FTO: variants seen among roughly 807,000 people sequenced by gnomAD.
FTO encodes the protein alpha-ketoglutarate-dependent dioxygenase FTO.
Under a neutral mutation model 63.9 loss-of-function variants are expected in FTO, and 47 were observed. That is an observed-to-expected ratio of 0.74 (90% CI 0.58 to 0.94). The LOEUF (loss-of-function observed/expected upper bound fraction) is 0.94. Among genes scored for constraint, FTO ranks in the 40% least tolerant of loss-of-function variants. FTO has a pLI of 0.00. For missense variants in FTO, 562 were observed against 618.1 expected, an observed-to-expected ratio of 0.91 and a Z score of 0.96; for synonymous variants, 207 against 224.4, an observed-to-expected ratio of 0.92 and a Z score of 0.69.
intron 7 of FTO, among the ~76,000 whole-genome samples, chr16:53,901,837 T>C (rs556571299): frequency 6.6e-6 from 1 of 152,310 alleles, no homozygotes; most frequent in East Asian, 1.9e-4. Context: ...GAGTGAGTAA[T>C]AACTCTCAGT....
At chr16:54,110,168 A>C (rs1406424513) in intron 8 of FTO, among the ~76,000 whole-genome samples, 1 of 152,206 alleles carries the variant, frequency 6.6e-6, no homozygotes, top group Non-Finnish European at 1.5e-5. Context: ...GGTCTCAAAC[A>C]CCTATGATTA....
chr16:53,881,665 GT>G (rs1240191034), intron 6 of FTO, among the ~76,000 whole-genome samples: 1 of 152,170 alleles, frequency 6.6e-6, no homozygotes, highest in African/African-American at 2.4e-5. Flanking sequence ...ATGGGTCAAA[GT>G]TTCGCAAACT....
intron 8 of FTO, among the ~76,000 whole-genome samples, chr16:54,081,865 A>G (rs1373240609): frequency 1.3e-5 from 2 of 152,184 alleles, no homozygotes; most frequent in African/African-American, 4.8e-5. Flanking sequence ...TTAAACAATG[A>G]CCTTCTCAAA....
intron 1 of FTO, among the ~76,000 whole-genome samples, chr16:53,808,534 A>G: frequency 6.6e-6 from 1 of 152,102 alleles, no homozygotes; most frequent in East Asian, 1.9e-4. Flanking sequence ...CTTTTAGGTA[A>G]TGATACAAAA....
At chr16:53,947,846 T>G (rs2082685952) in intron 8 of FTO, among the ~76,000 whole-genome samples, 1 of 152,242 alleles carries the variant, frequency 6.6e-6, no homozygotes, top group Non-Finnish European at 1.5e-5. Context: ...TTTGAAATTC[T>G]GCATGTTATG....
At chr16:53,749,682 G>A (rs1029359680) in intron 1 of FTO, among the ~76,000 whole-genome samples, 1 of 151,690 alleles carries the variant, frequency 6.6e-6, no homozygotes, top group Non-Finnish European at 1.5e-5. Context: ...CTCGTGATCC[G>A]CCCGCCTCGG....
At chr16:53,992,774 A>G (rs1441596006) in intron 8 of FTO, 1 of 152,200 alleles carries the variant, frequency 6.6e-6, no homozygotes. Context: ...TCCCACTTGT[A>G]AAATGAGGCG....
At chr16:53,902,009 A>G (rs1474982799) in intron 7 of FTO, among the ~76,000 whole-genome samples, 1 of 152,180 alleles carries the variant, frequency 6.6e-6, no homozygotes, top group Non-Finnish European at 1.5e-5. Flanking sequence ...AAAGAAACTG[A>G]AGAAAGTCAC....
chr16:53,913,840 G>A (rs1343129812), intron 7 of FTO, among the ~76,000 whole-genome samples: 1 of 152,082 alleles, frequency 6.6e-6, no homozygotes, highest in Admixed American at 6.6e-5. Flanking sequence ...TTAGCTGGGT[G>A]TGGTGGCGCA....
At chr16:53,984,804 G>T in intron 8 of FTO, 1 of 399,590 alleles carries the variant, frequency 2.5e-6, no homozygotes, top group Admixed American at 3.0e-5. Context: ...CAGTGATATT[G>T]GGATATGATT....
At chr16:54,052,709 T>C (rs977111790) in intron 8 of FTO, 2 of 146,420 alleles carry the variant, frequency 1.4e-5, no homozygotes, top group Admixed American at 6.6e-5. Flanking sequence ...TTGGTGTGGA[T>C]ATGAGAACTT....
At chr16:53,898,760 G>A (rs979957591) in intron 7 of FTO, among the ~76,000 whole-genome samples, 3 of 152,130 alleles carry the variant, frequency 2.0e-5, no homozygotes, top group African/African-American at 7.2e-5. Context: ...GCTCACTGTA[G>A]CCTCAAACTC....
At chr16:53,847,193 TAAGAA>T (rs1171782966) in intron 4 of FTO, among the ~76,000 whole-genome samples, 1 of 152,194 alleles carries the variant, frequency 6.6e-6, no homozygotes, top group Non-Finnish European at 1.5e-5. Flanking sequence ...GCACAGCTAG[TAAGAA>T]GCATGGATTG....
intron 1 of FTO, among the ~76,000 whole-genome samples, chr16:53,791,232 T>C (rs1287386537): frequency 6.6e-6 from 1 of 152,168 alleles, no homozygotes; most frequent in Non-Finnish European, 1.5e-5. Context: ...GAAATTGCTC[T>C]TTAGGAAGTT....
rs2086993238 is a variant in FTO at position 54,119,697 on chromosome 16, C to T, written c.*7782C>T. 6.6e-6 allele frequency: 1 copy of T among 152,178 alleles called. No homozygotes were observed. The highest frequency in any genetic ancestry group is 1.5e-5 in the Non-Finnish European group (1 of 68,040). The allele number at this position is 152,178 out of a possible 1,614,324, so 9.4% of individuals were successfully genotyped here. A position where few individuals can be genotyped will look rare whatever the true frequency, so the allele number is the denominator to read the frequency against. ...CATGCCCCTTGATCAATGGAATGATCTGTCAGAAGCCATTAAAGCCCCCAT... is the reference window on the plus strand; with the variant it reads ...CATGCCCCTTGATCAATGGAATGATTTGTCAGAAGCCATTAAAGCCCCCAT... On this transcript the variant is annotated 3_prime_UTR_variant, in exon 9 of 9. Coordinates refer to ENST00000471389, the MANE Select transcript of FTO (RefSeq NM_001080432.3).
chr16:53,724,490 C>A (rs925662153), intron 1 of FTO, among the ~76,000 whole-genome samples: 2 of 152,212 alleles, frequency 1.3e-5, no homozygotes, highest in African/African-American at 2.4e-5. Context: ...ATGGGGGCCA[C>A]TAGGGCTCTA....
intron 7 of FTO, 77 bp from the exon 8 acceptor site, chr16:53,933,908 T>G: frequency 7.0e-7 from 1 of 1,430,206 alleles, no homozygotes; most frequent in Non-Finnish European, 9.6e-7. Context: ...TGATTTACTG[T>G]CCTTATTTGC....
chr16:53,839,997 G>A (rs2079426972), intron 3 of FTO, among the ~76,000 whole-genome samples: 2 of 151,820 alleles, frequency 1.3e-5, no homozygotes, highest in Non-Finnish European at 2.9e-5. Flanking sequence ...TAGAGATGGG[G>A]TTTCACCATG....
chr16:53,870,206 C>A (rs761018562), intron 4 of FTO, among the ~76,000 whole-genome samples: 3 of 151,886 alleles, frequency 2.0e-5, no homozygotes, highest in African/African-American at 4.8e-5. Context: ...GACCCTGTCT[C>A]CTGAGAAAAT....
Sources: allele counts gnomAD v4.1 joint callset (sites outside exome capture counted in the v4.1 genomes callset), GRCh38; gene constraint gnomAD v4.1.1; transcripts MANE v1.5; gene names NCBI Gene and HGNC (gene_info 2026-07-23, HGNC 2026-07-21).